TOM1L1: variants seen among roughly 807,000 people sequenced by gnomAD.
TOM1L1 encodes TOM1-like protein 1.
TOM1L1 carries 64 observed loss-of-function variants against 63.4 expected under a neutral mutation model. That is an observed-to-expected ratio of 1.01 (90% CI 0.83 to 1.24). The LOEUF (loss-of-function observed/expected upper bound fraction) is 1.24. TOM1L1 is among the 50% of genes most tolerant of loss of function. The pLI, the probability that TOM1L1 is intolerant of heterozygous loss-of-function variation, is 0.00. For missense variants in TOM1L1, 536 were observed against 567.0 expected (o/e 0.95, Z 0.55); for synonymous variants, 166 against 194.4 (o/e 0.85, Z 1.22).
intron 7 of TOM1L1, among the ~76,000 whole-genome samples, chr17:54,926,521 T>C (rs763786220): frequency 2.6e-5 from 4 of 152,134 alleles, no homozygotes; most frequent in Non-Finnish European, 5.9e-5. Flanking sequence ...GCTCTAGTAT[T>C]TAGAATAAAG....
At position 54,926,624 on chromosome 17, in the gene TOM1L1, G is replaced by A. The variant is rs146701801; in HGVS notation, c.721-3449G>A. 2.4e-3 allele frequency among the ~76,000 whole-genome samples: 345 copies of A among 146,240 alleles called. 1 individual carries two copies. The highest frequency in any genetic ancestry group is 6.8e-3 in the Middle Eastern group (2 of 294). ...AAGGGAATCTGAAATTTGATCCTAT[G>A]AGGATTGTAACCAGTTGAAAAAAAA... On this transcript the variant is annotated intron_variant, in intron 7 of 15. Coordinates refer to ENST00000575882, the MANE Select transcript of TOM1L1 (RefSeq NM_005486.3).
intron 7 of TOM1L1, among the ~76,000 whole-genome samples, chr17:54,924,275 TC>T: frequency 2.3e-5 from 3 of 130,470 alleles, no homozygotes; most frequent in Admixed American, 1.4e-4. Context: ...TCTTTTCTTT[TC>T]TTTTTTCTTT....
At chr17:54,916,203 T>C (rs898971880) in intron 7 of TOM1L1, 3 of 358,826 alleles carry the variant, frequency 8.4e-6, no homozygotes, top group African/African-American at 4.2e-5. Flanking sequence ...GGAAGGGATG[T>C]AGAAATGAGA....
chr17:54,918,508 C>A (rs571110804), intron 7 of TOM1L1, among the ~76,000 whole-genome samples: 1 of 152,232 alleles, frequency 6.6e-6, no homozygotes, highest in African/African-American at 2.4e-5. Context: ...TAAGAGCTGA[C>A]CTGTACAAGT....
In TOM1L1 at chr17:54,961,351, G is replaced by A; in HGVS notation, c.*118G>A. The A allele has an allele frequency of 1.9e-6, 3 of 1,551,260 alleles. No individual in the cohort carries two copies. The highest frequency in any genetic ancestry group is 2.6e-6 in the Non-Finnish European group (3 of 1,146,798). On this transcript the variant is annotated 3_prime_UTR_variant, in exon 16 of 16. Coordinates refer to ENST00000575882, the MANE Select transcript of TOM1L1 (RefSeq NM_005486.3). ...CCTACCAACATGTCAAAGCCATGGT[G>A]GCACATTTCTGCTATAATGAAGATT...
At chr17:54,951,398 T>C (rs908644552) in intron 14 of TOM1L1, among the ~76,000 whole-genome samples, 1 of 152,180 alleles carries the variant, frequency 6.6e-6, no homozygotes, top group Non-Finnish European at 1.5e-5. Flanking sequence ...AGCTTCTTGA[T>C]GTCAGCATTC....
chr17:54,904,343 C>T (rs1283689352), intron 2 of TOM1L1, among the ~76,000 whole-genome samples: 1 of 144,084 alleles, frequency 6.9e-6, no homozygotes, highest in Non-Finnish European at 1.5e-5. Context: ...GCACTCCAGC[C>T]TGGGTAACAA....
At chr17:54,903,609 T>G in intron 1 of TOM1L1, 99 bp from the exon 2 acceptor site, 2 of 1,083,464 alleles carry the variant, frequency 1.8e-6, no homozygotes, top group Admixed American at 2.0e-5. Flanking sequence ...CAATGTAAAC[T>G]TAATGACACT....
Position 54,939,016 on chromosome 17 carries a change from C to A in TOM1L1, c.1126C>A (p.Pro376Thr). ...NLLALENTEI[P>T]PFAQRTSQNL... The stretch of plus-strand genomic sequence containing the variant: ...GCTAGCCTTGGAGAATACAGAGATA[C>A]CCCCGTAAGTATGTCAGTAACACTG... The change falls in exon 11 of 16, where the codon CCC (proline) becomes ACC (threonine). Residue 376 changes from proline (P) to threonine (T), a missense_variant. Physicochemically the swap from Pro to Thr is conservative, Grantham distance 38 (BLOSUM62 -1). Transcript: ENST00000575882. 2 of 1,593,668 alleles carry A rather than the reference C, an allele frequency of 1.3e-6. No homozygotes were observed. Among genetic ancestry groups the A allele is most frequent in the South Asian group, 1.1e-5 (1 of 90,008 alleles).
chr17:54,906,705 CTG>C, intron 3 of TOM1L1: 1 of 931,824 alleles, frequency 1.1e-6, no homozygotes, highest in African/African-American at 1.8e-5. Flanking sequence ...GTTGTATTGT[CTG>C]TGATTTAAGT....
At chr17:54,959,605 C>T (rs1000861730) in intron 14 of TOM1L1, 1 of 149,482 alleles carries the variant, frequency 6.7e-6, no homozygotes, top group Non-Finnish European at 1.5e-5. Flanking sequence ...TTTAAATAAG[C>T]TGGAAGATTA....
chr17:54,906,865 T>C (rs535119140), intron 3 of TOM1L1: 1 of 946,616 alleles, frequency 1.1e-6, no homozygotes, highest in African/African-American at 1.8e-5. Context: ...CTTTCTGATT[T>C]ATTCTGCACG....
chr17:54,929,740 T>TG (rs902249813), intron 7 of TOM1L1, among the ~76,000 whole-genome samples: 1 of 118,358 alleles, frequency 8.4e-6, no homozygotes, highest in Non-Finnish European at 1.9e-5. Flanking sequence ...AAAAAACATG[T>TG]GTTTTTTTTT....
At position 54,930,211 on chromosome 17, in the gene TOM1L1, G is replaced by C; in HGVS notation, c.854+5G>C. The stretch of plus-strand genomic sequence containing the variant: ...TGCTATCCTTGGATATGAGAGGTGA[G>C]CAGATCATGTACCCTCTTTACCCCT... On this transcript the variant is annotated splice_donor_5th_base_variant and intron_variant, in intron 8 of 15. Coordinates refer to ENST00000575882, the MANE Select transcript of TOM1L1 (RefSeq NM_005486.3). 4 of 1,613,988 alleles carry C rather than the reference G, an allele frequency of 2.5e-6. No individual in the cohort carries two copies. Among genetic ancestry groups the C allele is most frequent in the Non-Finnish European group, 3.4e-6 (4 of 1,179,944 alleles).
Position 54,947,291 on chromosome 17 carries a change from C to G in TOM1L1, c.1161C>G (p.Thr387=). 1 of 1,614,166 alleles carries G rather than the reference C, an allele frequency of 6.2e-7. No homozygotes were observed. Among genetic ancestry groups the G allele is most frequent in the East Asian group, 2.2e-5 (1 of 44,882 alleles). The part of the protein sequence containing the change: ...PFAQRTSQNL[T]SSHAYDNFLE... ...CCCAAAGGACCAGCCAAAACCTCAC[C>G]TCAAGCCACGCATATGATAATGTAA... is the stretch of plus-strand genomic sequence containing the variant. The change falls in exon 12 of 16, where the codon ACC becomes ACG. Residue 387 remains threonine, a synonymous_variant. Coordinates refer to ENST00000575882, the MANE Select transcript of TOM1L1 (RefSeq NM_005486.3).
chr17:54,933,457 C>T (rs909551945), intron 8 of TOM1L1, among the ~76,000 whole-genome samples: 2 of 152,364 alleles, frequency 1.3e-5, no homozygotes, highest in East Asian at 1.9e-4. Context: ...TAAGGATGCA[C>T]CTGTGGCACA....
intron 8 of TOM1L1, among the ~76,000 whole-genome samples, chr17:54,930,994 C>T (rs1012002082): frequency 9.9e-5 from 15 of 151,960 alleles, no homozygotes; most frequent in African/African-American, 3.1e-4. Flanking sequence ...GAGCTATGAT[C>T]GCATCACTGC....
At chr17:54,920,383 C>A (rs2048664585) in intron 7 of TOM1L1, among the ~76,000 whole-genome samples, 1 of 152,038 alleles carries the variant, frequency 6.6e-6, no homozygotes, top group South Asian at 2.1e-4. Context: ...TTTTAGCTTG[C>A]CAAAATTTAC....
chr17:54,931,618 T>C (rs2048859552), intron 8 of TOM1L1, among the ~76,000 whole-genome samples: 1 of 152,106 alleles, frequency 6.6e-6, no homozygotes, highest in South Asian at 2.1e-4. Context: ...CTGGGCAACA[T>C]GGTGAAACCC....
Sources: allele counts gnomAD v4.1 joint callset (sites outside exome capture counted in the v4.1 genomes callset), GRCh38; gene constraint gnomAD v4.1.1; transcripts MANE v1.5; gene names NCBI Gene and HGNC (gene_info 2026-07-23, HGNC 2026-07-21).